Variants in KCNK9 observed in about 807,000 individuals in gnomAD.
KCNK9 encodes potassium two pore domain channel subfamily K member 9, also known as potassium channel subfamily K member 9.
A neutral mutation model predicts 10.8 loss-of-function variants in KCNK9; 1 was observed. That is an observed-to-expected ratio of 0.09 (90% CI 0.03 to 0.44). The LOEUF (loss-of-function observed/expected upper bound fraction) is 0.44. Among genes scored for constraint, KCNK9 ranks in the 20% least tolerant of loss-of-function variants. The probability of loss-of-function intolerance (pLI) is 0.97; values close to 1 mark genes in which losing one functional copy is unlikely to be tolerated. For synonymous variants in KCNK9, 231 were observed against 222.7 expected (o/e 1.04, Z -0.33); for missense variants, 303 against 515.0 (o/e 0.59, Z 3.98).
At chr8:139,647,138 T>C (rs1414028495) in intron 1 of KCNK9, among the ~76,000 whole-genome samples, 1 of 152,150 alleles carries the variant, frequency 6.6e-6, no homozygotes, top group African/African-American at 2.4e-5. Flanking sequence ...CTGGGCTCCG[T>C]GAGCATGGGC....
chr8:139,646,349 A>G (rs1815678337), intron 1 of KCNK9, among the ~76,000 whole-genome samples: 1 of 152,246 alleles, frequency 6.6e-6, no homozygotes, highest in Non-Finnish European at 1.5e-5. Flanking sequence ...AGTCTCTTCC[A>G]GTATCCCGTA....
At chr8:139,623,326 T>C (rs1814854845) in intron 1 of KCNK9, among the ~76,000 whole-genome samples, 1 of 152,168 alleles carries the variant, frequency 6.6e-6, no homozygotes, top group African/African-American at 2.4e-5. Flanking sequence ...GGTCAGAAGA[T>C]ATATTCATTC....
intron 1 of KCNK9, among the ~76,000 whole-genome samples, chr8:139,689,937 G>A (rs541122203): frequency 2.1e-4 from 32 of 152,224 alleles, no homozygotes; most frequent in African/African-American, 7.2e-4. Context: ...CACCACGCCC[G>A]GCCACCTTTG....
intron 1 of KCNK9, among the ~76,000 whole-genome samples, chr8:139,674,017 C>A (rs1028819640): frequency 4.6e-5 from 7 of 152,206 alleles, no homozygotes; most frequent in Non-Finnish European, 7.4e-5. Context: ...CTGGCTCTAA[C>A]CCCCTGCAGT....
intron 1 of KCNK9, among the ~76,000 whole-genome samples, chr8:139,662,984 C>T (rs1239944293): frequency 6.6e-6 from 1 of 151,988 alleles, no homozygotes; most frequent in East Asian, 1.9e-4. Context: ...CTGCCTTCAC[C>T]CCCAGCTCTT....
At position 139,668,944 on chromosome 8, in the gene KCNK9, C is replaced by T. The variant is rs114359193; in HGVS notation, c.283+33766G>A. On this transcript the variant is annotated intron_variant, in intron 1 of 1. Coordinates refer to ENST00000520439, the MANE Select transcript of KCNK9 (RefSeq NM_001282534.2). ...CCATACCTCGGAGACAATGCAGTTT[C>T]GGTCTAAGACACCACAACAAAGCAA... 7.5e-3 allele frequency among the ~76,000 whole-genome samples: 1,145 copies of T among 152,280 alleles called. 12 individuals are homozygous for T. The highest frequency in any genetic ancestry group is 0.026 in the African/African-American group (1,094 of 41,566).
intron 1 of KCNK9, among the ~76,000 whole-genome samples, chr8:139,680,684 G>A (rs572142394): frequency 6.6e-6 from 1 of 152,296 alleles, no homozygotes; most frequent in South Asian, 2.1e-4. Flanking sequence ...AGCCCTGTGA[G>A]GCTGACACTC....
Position 139,618,181 on chromosome 8 carries a change from G to A in KCNK9, c.*77C>T, listed in dbSNP as rs1814658170. 7 of 1,553,202 alleles carry A rather than the reference G, an allele frequency of 4.5e-6. No individual in the cohort carries two copies. The Admixed American group carries it at 1.2e-4, about 26-fold the overall frequency. ...GACAATAATAATAATAAATAAATAAGAAAAGACGAGTTGGACCAATGGAAA... is the reference window on the plus strand; with the variant it reads ...GACAATAATAATAATAAATAAATAAAAAAAGACGAGTTGGACCAATGGAAA... On this transcript the variant is annotated 3_prime_UTR_variant, in exon 2 of 2. Transcript: ENST00000520439. This position sits in a 1 kb window ranked among gnomAD's most constrained non-coding sequence, Gnocchi z 7.9.
At chr8:139,684,217 C>T (rs1475212454) in intron 1 of KCNK9, among the ~76,000 whole-genome samples, 1 of 152,206 alleles carries the variant, frequency 6.6e-6, no homozygotes, top group Non-Finnish European at 1.5e-5. Flanking sequence ...GTTCCTCACA[C>T]TAACACAACA....
At chr8:139,640,869 C>T (rs1014256814) in intron 1 of KCNK9, among the ~76,000 whole-genome samples, 3 of 152,252 alleles carry the variant, frequency 2.0e-5, no homozygotes, top group South Asian at 2.1e-4. Context: ...GCATTGCAGA[C>T]GTGCACCGTC....
chr8:139,689,695 C>T lies in KCNK9; in HGVS notation c.283+13015G>A, dbSNP rs998190198. On this transcript the variant is annotated intron_variant, in intron 1 of 1. Transcript: ENST00000520439. ...TCTCACTCTGCTGCCCAAGCTGGAG[C>T]GCAGTGGCGTGATCTCGACTCACTG... Among the ~76,000 whole-genome samples, 91 of 147,184 alleles carry T rather than the reference C, an allele frequency of 6.2e-4. 1 individual carries two copies. Among genetic ancestry groups the T allele is most frequent in the South Asian group, 1.3e-3 (6 of 4,666 alleles).
In KCNK9 at chr8:139,693,680, G is replaced by A. The variant is rs1816984116; in HGVS notation, c.283+9030C>T. Among the ~76,000 whole-genome samples the A allele has an allele frequency of 6.6e-6, 1 of 152,150 alleles. No individual in the cohort carries two copies. The highest frequency in any genetic ancestry group is 1.5e-5 in the Non-Finnish European group (1 of 68,036). ...TTGCTCAAGAGGATAAAGGACAATT[G>A]GGGAAAAGAGGAAGGCAGAGCCGGA... On this transcript the variant is annotated intron_variant, in intron 1 of 1. Transcript: ENST00000520439. The surrounding 1 kb of genome is among the most constrained non-coding windows in gnomAD (Gnocchi z 4.1).
chr8:139,618,189 G>A lies in KCNK9; in HGVS notation c.*69C>T. 3.8e-6 allele frequency: 6 copies of A among 1,570,404 alleles called. No homozygotes were observed. The highest frequency in any genetic ancestry group is 2.2e-5 in the South Asian group (2 of 89,660). Reference sequence around the variant, plus strand: ...TAATAATAAATAAATAAGAAAAGACGAGTTGGACCAATGGAAATTAACACC... The same window carrying A: ...TAATAATAAATAAATAAGAAAAGACAAGTTGGACCAATGGAAATTAACACC... On this transcript the variant is annotated 3_prime_UTR_variant, in exon 2 of 2. Coordinates refer to ENST00000520439, the MANE Select transcript of KCNK9 (RefSeq NM_001282534.2). This position sits in a 1 kb window ranked among gnomAD's most constrained non-coding sequence, Gnocchi z 7.9.
At chr8:139,612,943 G>A (rs1814476154), downstream of KCNK9, among the ~76,000 whole-genome samples, 1 of 152,166 alleles carries the variant, frequency 6.6e-6, no homozygotes, top group African/African-American at 2.4e-5. Context: ...CTATTTGGGG[G>A]AAGTCTGGAA....
chr8:139,607,011 C>T (rs886384356), intron 2 of KCNK9, among the ~76,000 whole-genome samples: 1 of 152,156 alleles, frequency 6.6e-6, no homozygotes, highest in African/African-American at 2.4e-5. Context: ...TGTCAAAATG[C>T]TATTTGTGGG....
intron 1 of KCNK9, among the ~76,000 whole-genome samples, chr8:139,694,831 AG>A (rs756693027): frequency 2.0e-4 from 31 of 151,912 alleles, no homozygotes; most frequent in Non-Finnish European, 3.5e-4. Flanking sequence ...CCACTCACCT[AG>A]CACCACCTTC....
intron 1 of KCNK9, among the ~76,000 whole-genome samples, chr8:139,685,549 T>C (rs1248559395): frequency 1.3e-5 from 2 of 152,210 alleles, no homozygotes; most frequent in African/African-American, 2.4e-5. Flanking sequence ...TTTCTGTCCT[T>C]GTGATAGTTT....
At chr8:139,689,566 G>C (rs1268758306) in intron 1 of KCNK9, among the ~76,000 whole-genome samples, 2 of 152,078 alleles carry the variant, frequency 1.3e-5, no homozygotes, top group African/African-American at 4.8e-5. Flanking sequence ...GTATGTGGGA[G>C]AAGTGACAGC....
chr8:139,701,769 C>A (rs1464293984), intron 1 of KCNK9, among the ~76,000 whole-genome samples: 1 of 152,164 alleles, frequency 6.6e-6, no homozygotes, highest in Non-Finnish European at 1.5e-5. Flanking sequence ...GCCCCAGCTC[C>A]CACAGGTCTC....
Sources: allele counts gnomAD v4.1 joint callset (sites outside exome capture counted in the v4.1 genomes callset), GRCh38; gene constraint gnomAD v4.1.1; non-coding constraint Gnocchi (gnomAD v3.1); transcripts MANE v1.5; gene names NCBI Gene and HGNC (gene_info 2026-07-23, HGNC 2026-07-21).